RBBP4: variants seen among roughly 807,000 people sequenced by gnomAD.
The protein encoded by RBBP4 is histone-binding protein RBBP4.
Under a neutral mutation model 57.2 loss-of-function variants are expected in RBBP4, and 3 were observed. The ratio of observed to expected loss-of-function variants is 0.05; its 90% CI spans 0.02 to 0.14. The LOEUF is 0.14. RBBP4 is among the 10% of genes least tolerant of loss of function. The pLI is 1.00. For synonymous variants in RBBP4, 151 were observed against 171.5 expected, an observed-to-expected ratio of 0.88 and a Z score of 0.93; for missense variants, 107 against 520.6, an observed-to-expected ratio of 0.21 and a Z score of 7.73.
chr1:32,651,938 A>G lies in RBBP4; in HGVS notation c.41A>G (p.Glu14Gly). Reference protein sequence around the residue: ...KEAAFDDAVEERVINEEYKIW... With the variant: ...KEAAFDDAVEGRVINEEYKIW... ...GCAGCCTTCGACGACGCAGTGGAAG[A>G]ACGAGTGATCAACGAGGAATACAAA... Residue 14 changes from glutamate (E) to glycine (G), a missense_variant, in exon 2 of 12, where the codon GAA (glutamate) becomes GGA (glycine). Around this residue, in one of 3 missense-constraint regions of RBBP4, gnomAD observed 92 missense variants for 408.5 expected, o/e 0.23. Coordinates refer to ENST00000373493, the MANE Select transcript of RBBP4 (RefSeq NM_005610.3). 6.2e-7 allele frequency: 1 copy of G among 1,613,994 alleles called. No individual in the cohort carries two copies. Among genetic ancestry groups the G allele is most frequent in the Non-Finnish European group, 8.5e-7 (1 of 1,179,858 alleles).
At chr1:32,661,381 G>A (rs1223604226) in intron 3 of RBBP4, among the ~76,000 whole-genome samples, 1 of 141,816 alleles carries the variant, frequency 7.1e-6, no homozygotes, top group Non-Finnish European at 1.5e-5. Context: ...TGCACTCTCC[G>A]CCTCCCAGGT....
At chr1:32,673,548 C>T (rs893672517) in intron 11 of RBBP4, 1 of 392,268 alleles carries the variant, frequency 2.5e-6, no homozygotes, top group Admixed American at 3.3e-5. Context: ...ATCGATTCTC[C>T]TGCCTCAGCC....
At chr1:32,656,931 C>A (rs1182537220) in intron 2 of RBBP4, among the ~76,000 whole-genome samples, 1 of 152,150 alleles carries the variant, frequency 6.6e-6, no homozygotes, top group Non-Finnish European at 1.5e-5. Flanking sequence ...AGTTAATTCA[C>A]ATTTTATTCC....
At chr1:32,651,470 T>G (rs583114) in intron 1 of RBBP4, 148 bp downstream of exon 1, 1,351,998 of 1,359,708 alleles carry the variant, frequency 0.99, 672,514 homozygotes, top group East Asian at 1. Context: ...CCGCGGGGCG[T>G]GCTAACGGCT....
intron 3 of RBBP4, among the ~76,000 whole-genome samples, chr1:32,665,001 CAG>C (rs1648583369): frequency 6.6e-6 from 1 of 152,106 alleles, no homozygotes; most frequent in African/African-American, 2.4e-5. Context: ...AATGCAGACA[CAG>C]AGGCACCAAC....
chr1:32,675,535 C>T (rs944193518), intron 11 of RBBP4, among the ~76,000 whole-genome samples: 4 of 151,520 alleles, frequency 2.6e-5, no homozygotes, highest in Admixed American at 2.0e-4. Context: ...TTTGGGAGGC[C>T]GAGGCGGGTG....
chr1:32,654,151 T>C (rs1217999383), intron 2 of RBBP4, among the ~76,000 whole-genome samples: 1 of 152,028 alleles, frequency 6.6e-6, no homozygotes, highest in African/African-American at 2.4e-5. Flanking sequence ...GGCAGGCAGA[T>C]TGCTTGAGGC....
intron 3 of RBBP4, among the ~76,000 whole-genome samples, chr1:32,662,550 A>G (rs898712066): frequency 6.6e-6 from 1 of 150,822 alleles, no homozygotes; most frequent in Non-Finnish European, 1.5e-5. Flanking sequence ...CTAATTTTGT[A>G]TTTTTTGTAG....
chr1:32,684,338 A>C lies in RBBP4; in HGVS notation c.*4633A>C. The C allele has an allele frequency of 3.1e-6, 5 of 1,614,132 alleles. No individual in the cohort carries two copies. The highest frequency in any genetic ancestry group is 4.2e-6 in the Non-Finnish European group (5 of 1,180,034). ...TCTTCTGTTGCTGGAGTTGCACCCCATTTCTTAACTGCCTCTGGCGTTCTT... is the reference window on the plus strand; with the variant it reads ...TCTTCTGTTGCTGGAGTTGCACCCCCTTTCTTAACTGCCTCTGGCGTTCTT... On this transcript the variant is annotated 3_prime_UTR_variant, in exon 12 of 12. Coordinates refer to ENST00000373493, the MANE Select transcript of RBBP4 (RefSeq NM_005610.3).
At chr1:32,676,612 CAAAA>C (rs1229475952) in intron 11 of RBBP4, among the ~76,000 whole-genome samples, 3 of 57,906 alleles carry the variant, frequency 5.2e-5, no homozygotes, top group Non-Finnish European at 4.9e-5. Flanking sequence ...AACTCCATCT[CAAAA>C]AAAAAAAAAA....
chr1:32,676,293 A>C (rs1649097616), intron 11 of RBBP4, among the ~76,000 whole-genome samples: 2 of 152,020 alleles, frequency 1.3e-5, no homozygotes, highest in Non-Finnish European at 2.9e-5. Flanking sequence ...AATTTTGTGT[A>C]TCTAGTCTAT....
chr1:32,652,190 C>A, intron 2 of RBBP4, 129 bp downstream of exon 2: 1 of 1,127,046 alleles, frequency 8.9e-7, no homozygotes, highest in Non-Finnish European at 1.3e-6. Flanking sequence ...GACATTTTTT[C>A]TAGGCCACAA....
intron 3 of RBBP4, among the ~76,000 whole-genome samples, chr1:32,657,836 T>C (rs1002541751): frequency 6.6e-6 from 1 of 151,848 alleles, no homozygotes; most frequent in East Asian, 1.9e-4. Flanking sequence ...AGCAAAAATA[T>C]ATATTATTGC....
intron 2 of RBBP4, among the ~76,000 whole-genome samples, chr1:32,654,279 A>G (rs1441455957): frequency 6.6e-6 from 1 of 152,104 alleles, no homozygotes; most frequent in Non-Finnish European, 1.5e-5. Context: ...GTGGGGGCTG[A>G]GGCAGGAGGA....
At chr1:32,651,542 C>T in intron 1 of RBBP4, 2 of 1,245,100 alleles carry the variant, frequency 1.6e-6, no homozygotes, top group Non-Finnish European at 2.1e-6. Flanking sequence ...GGCCCCCGGC[C>T]AGTGTTTGTT....
chr1:32,657,721 A>G (rs1007007408), intron 3 of RBBP4, 149 bp downstream of exon 3: 1 of 859,032 alleles, frequency 1.2e-6, no homozygotes, highest in African/African-American at 1.8e-5. Context: ...TTTATATTAG[A>G]GTTTTAGGTA....
intron 8 of RBBP4, among the ~76,000 whole-genome samples, chr1:32,670,558 A>G (rs908637731): frequency 3.4e-5 from 2 of 59,270 alleles, no homozygotes; most frequent in Admixed American, 1.8e-4. Context: ...AGGAGCCCCC[A>G]ATTTTTTTAT....
intron 11 of RBBP4, among the ~76,000 whole-genome samples, chr1:32,674,426 G>A (rs1490323578): frequency 6.6e-6 from 1 of 152,036 alleles, no homozygotes; most frequent in Non-Finnish European, 1.5e-5. Flanking sequence ...GTAGAGATGG[G>A]GTTTGCCATG....
At chr1:32,666,147 T>TG (rs1648637322) in intron 3 of RBBP4, among the ~76,000 whole-genome samples, 2 of 152,182 alleles carry the variant, frequency 1.3e-5, no homozygotes, top group Non-Finnish European at 2.9e-5. Flanking sequence ...GCTGTGGCTC[T>TG]GTTTTTCCTC....
Sources: allele counts gnomAD v4.1 joint callset (sites outside exome capture counted in the v4.1 genomes callset), GRCh38; gene constraint gnomAD v4.1.1; regional missense constraint gnomAD v4.1.1; transcripts MANE v1.5; gene names NCBI Gene and HGNC (gene_info 2026-07-23, HGNC 2026-07-21).